The following EIPR1 variants were observed in gnomAD, a reference collection of about 807,000 sequenced individuals.
EIPR1 encodes the protein EARP and GARP complex-interacting protein 1.
Under a neutral mutation model 48.1 loss-of-function variants are expected in EIPR1, and 25 were observed. The ratio of observed to expected loss-of-function variants is 0.52; its 90% CI spans 0.38 to 0.73. EIPR1 has a LOEUF of 0.73. Among genes scored for constraint, EIPR1 ranks in the 30% least tolerant of loss-of-function variants. The probability of loss-of-function intolerance (pLI) is 0.00; values close to 1 mark genes in which losing one functional copy is unlikely to be tolerated. For missense variants in EIPR1, 415 were observed against 506.2 expected, an observed-to-expected ratio of 0.82 and a Z score of 1.73; for synonymous variants, 204 against 201.9, an observed-to-expected ratio of 1.01 and a Z score of -0.09.
intron 3 of EIPR1, among the ~76,000 whole-genome samples, chr2:3,287,064 A>G (rs1668208389): frequency 6.6e-6 from 1 of 151,874 alleles, no homozygotes; most frequent in African/African-American, 2.4e-5. Context: ...GAGCACACAG[A>G]GTACCAGCCG....
chr2:3,254,404 G>A (rs1278539532), intron 4 of EIPR1, among the ~76,000 whole-genome samples: 1 of 152,134 alleles, frequency 6.6e-6, no homozygotes, highest in African/African-American at 2.4e-5. Flanking sequence ...AGTCATAATC[G>A]CCAAAAACAA....
chr2:3,364,582 C>A (rs766509415), intron 1 of EIPR1, among the ~76,000 whole-genome samples: 1 of 151,596 alleles, frequency 6.6e-6, no homozygotes, highest in Non-Finnish European at 1.5e-5. Context: ...GTGCAGTGAG[C>A]CGAGATTGTA....
Position 3,189,946 on chromosome 2 carries a change from G to A in EIPR1, c.990-438C>T, listed in dbSNP as rs1423338743. Among the ~76,000 whole-genome samples, 1 of 152,166 alleles carries A rather than the reference G, an allele frequency of 6.6e-6. No individual in the cohort carries two copies. Among genetic ancestry groups the A allele is most frequent in the African/African-American group, 2.4e-5 (1 of 41,456 alleles). ...TGAGCAGAAAGGACCCTGGGAAGCA[G>A]CGGGTCCAGCTCCTGGCTGTGTAGG... is the stretch of plus-strand genomic sequence containing the variant. On this transcript the variant is annotated intron_variant, in intron 8 of 8. Transcript: ENST00000382125. The surrounding 1 kb of genome is among the most constrained non-coding windows in gnomAD (Gnocchi z 4.6).
intron 3 of EIPR1, among the ~76,000 whole-genome samples, chr2:3,332,811 T>C (rs1481752494): frequency 6.6e-6 from 1 of 152,242 alleles, no homozygotes; most frequent in Non-Finnish European, 1.5e-5. Context: ...CAAGAATGTC[T>C]TTTTCACAAT....
intron 4 of EIPR1, among the ~76,000 whole-genome samples, chr2:3,230,235 A>AG (rs1212042367): frequency 9.9e-5 from 15 of 152,174 alleles, no homozygotes; most frequent in African/African-American, 3.6e-4. Flanking sequence ...GCAACGAATA[A>AG]CCAAAAAACA....
intron 3 of EIPR1, among the ~76,000 whole-genome samples, chr2:3,305,092 C>CCGTCCAGTT (rs1668892245): frequency 6.8e-6 from 1 of 147,148 alleles, no homozygotes. Flanking sequence ...CCCTCCACTC[C>CCGTCCAGTT]CAACCAGTTC....
At chr2:3,196,608 C>A (rs1037498950) in intron 6 of EIPR1, among the ~76,000 whole-genome samples, 4 of 152,160 alleles carry the variant, frequency 2.6e-5, no homozygotes, top group Non-Finnish European at 5.9e-5. Context: ...AGCCCCAATT[C>A]CTAGTTTTCA....
chr2:3,248,419 C>T (rs193015587), intron 4 of EIPR1, among the ~76,000 whole-genome samples: 87 of 152,324 alleles, frequency 5.7e-4, no homozygotes, highest in Non-Finnish European at 9.8e-4. Flanking sequence ...CATGGCAAAA[C>T]GCTGTCTCTA....
At chr2:3,313,001 G>A (rs1000895386) in intron 3 of EIPR1, among the ~76,000 whole-genome samples, 6 of 152,178 alleles carry the variant, frequency 3.9e-5, no homozygotes, top group African/African-American at 9.7e-5. Flanking sequence ...CCCTACTTCC[G>A]ATGCACACTT....
intron 2 of EIPR1, among the ~76,000 whole-genome samples, chr2:3,344,709 C>G (rs1670350511): frequency 8.3e-6 from 1 of 120,476 alleles, no homozygotes; most frequent in African/African-American, 3.3e-5. Context: ...GTGGTGCGAT[C>G]TCGGCTCACT....
intron 3 of EIPR1, chr2:3,301,596 C>G (rs1237962995): frequency 6.6e-6 from 1 of 152,210 alleles, no homozygotes; most frequent in Non-Finnish European, 1.5e-5. Flanking sequence ...ACAATGGTGG[C>G]CAAACATACC....
chr2:3,240,646 A>G (rs1461294345), intron 4 of EIPR1, among the ~76,000 whole-genome samples: 1 of 106,208 alleles, frequency 9.4e-6, no homozygotes, highest in African/African-American at 3.5e-5. Flanking sequence ...CCTCCTAAAG[A>G]AAAGCCAGCA....
chr2:3,323,475 C>T (rs1056810221), intron 3 of EIPR1, among the ~76,000 whole-genome samples: 4 of 152,300 alleles, frequency 2.6e-5, no homozygotes, highest in Non-Finnish European at 4.4e-5. Flanking sequence ...AAGTTTCCTC[C>T]GAGCCCTGCA....
rs539836890 is a variant in EIPR1, at chr2:3,257,524, C to G, written c.260-69G>C. The G allele has an allele frequency of 7.7e-6, 12 of 1,563,260 alleles. No individual in the cohort carries two copies. In the African/African-American group the frequency reaches 1.4e-4, roughly 18 times the overall value. ...TGCCCCGCATTCTGCAGACAGCACA[C>G]GCACATTTACACAAATCCATAAGCA... On this transcript the variant is annotated intron_variant, in intron 3 of 8. Coordinates refer to ENST00000382125, the MANE Select transcript of EIPR1 (RefSeq NM_003310.5).
At chr2:3,217,531 A>AT (rs1665679199) in intron 4 of EIPR1, among the ~76,000 whole-genome samples, 1 of 152,236 alleles carries the variant, frequency 6.6e-6, no homozygotes, top group Admixed American at 6.5e-5. Context: ...ATAACCCTAA[A>AT]TATTTCACAT....
chr2:3,253,396 T>C (rs910813959), intron 4 of EIPR1, among the ~76,000 whole-genome samples: 3 of 152,192 alleles, frequency 2.0e-5, no homozygotes, highest in Non-Finnish European at 2.9e-5. Context: ...CTGAGGGCCG[T>C]GGTCACTCAT....
chr2:3,277,252 G>A (rs1452617319), intron 3 of EIPR1, among the ~76,000 whole-genome samples: 12 of 151,388 alleles, frequency 7.9e-5, no homozygotes, highest in Admixed American at 7.9e-4. Context: ...CCCCACACCT[G>A]TCTCCACCCA....
intron 4 of EIPR1, among the ~76,000 whole-genome samples, chr2:3,255,011 C>T (rs1026087628): frequency 7.9e-5 from 12 of 152,034 alleles, no homozygotes; most frequent in African/African-American, 2.9e-4. Context: ...TGTGAATGTA[C>T]AACCTCAAAA....
chr2:3,340,350 C>T lies in EIPR1; in HGVS notation c.127-2201G>A, dbSNP rs372633363. Among the ~76,000 whole-genome samples the T allele has an allele frequency of 7.7e-4, 118 of 152,330 alleles. 2 individuals carry two copies. In the South Asian group the frequency reaches 0.02, roughly 26 times the overall value. On this transcript the variant is annotated intron_variant, in intron 2 of 8. Coordinates refer to ENST00000382125, the MANE Select transcript of EIPR1 (RefSeq NM_003310.5). ...GAGAAGCCAGATATGGCCGGCTTGC[C>T]CGAGGCAGAGCAGGAGCCCAGGGAG...
Sources: gnomAD v4.1 joint callset for allele counts (sites outside exome capture counted in the v4.1 genomes callset) on GRCh38, gnomAD v4.1.1 for gene constraint, Gnocchi (gnomAD v3.1) non-coding constraint, MANE v1.5 for transcripts, NCBI Gene and HGNC (gene_info 2026-07-23, HGNC 2026-07-21) for gene names.